The following ADAMTSL1 variants were observed in gnomAD, a reference collection of about 807,000 sequenced individuals.
ADAMTSL1 encodes the protein ADAMTS like 1, also known as ADAMTS-like protein 1.
In ADAMTSL1, 126 loss-of-function variants were observed where a neutral mutation model predicts 201.8. The ratio of observed to expected loss-of-function variants is 0.62; its 90% CI spans 0.54 to 0.72. The LOEUF (loss-of-function observed/expected upper bound fraction) is 0.72, where lower values mean the gene tolerates loss of function less well. ADAMTSL1 is among the 30% of genes least tolerant of loss of function. The pLI is 0.00. For missense variants in ADAMTSL1, 2,679 were observed against 2,277.8 expected (o/e 1.18, Z -3.59); for synonymous variants, 1,121 against 903.4 (o/e 1.24, Z -4.32).
At chr9:18,089,549 G>T (rs1056293054) in intron 1 of ADAMTSL1, among the ~76,000 whole-genome samples, 4 of 152,076 alleles carry the variant, frequency 2.6e-5, no homozygotes, top group African/African-American at 9.7e-5. Flanking sequence ...AACCACCATG[G>T]CATGTGTATA....
intron 4 of ADAMTSL1, among the ~76,000 whole-genome samples, chr9:18,602,350 T>G (rs1220548476): frequency 3.3e-5 from 5 of 152,216 alleles, no homozygotes; most frequent in Non-Finnish European, 7.3e-5. Flanking sequence ...CCTCTCTTCT[T>G]TAGCCAAAAG....
chr9:18,809,583 A>G (rs1268162953), intron 20 of ADAMTSL1, among the ~76,000 whole-genome samples: 1 of 152,192 alleles, frequency 6.6e-6, no homozygotes, highest in Admixed American at 6.5e-5. Context: ...TGAGGTCAGG[A>G]GTTCGAGACC....
intron 26 of ADAMTSL1, among the ~76,000 whole-genome samples, chr9:18,897,827 A>C (rs1167653781): frequency 4.6e-5 from 7 of 152,166 alleles, no homozygotes; most frequent in Non-Finnish European, 1.0e-4. Flanking sequence ...TTCTCCTGCA[A>C]GGGCACAGAA....
At chr9:18,430,746 A>G (rs1819451691) in intron 2 of ADAMTSL1, among the ~76,000 whole-genome samples, 1 of 152,192 alleles carries the variant, frequency 6.6e-6, no homozygotes, top group South Asian at 2.1e-4. Flanking sequence ...CTTGAGCTAG[A>G]ACGAAAATTG....
intron 2 of ADAMTSL1, among the ~76,000 whole-genome samples, chr9:18,171,333 C>A (rs1417148063): frequency 6.6e-6 from 1 of 151,888 alleles, no homozygotes; most frequent in Non-Finnish European, 1.5e-5. Flanking sequence ...AAAAGCATGA[C>A]CTTAAAACTT....
intron 1 of ADAMTSL1, among the ~76,000 whole-genome samples, chr9:17,936,839 A>G (rs1434336729): frequency 3.9e-5 from 6 of 152,146 alleles, no homozygotes; most frequent in African/African-American, 1.4e-4. Flanking sequence ...TTGAAGAGTG[A>G]GAAGCTGCCA....
chr9:18,308,195 TG>T (rs1350638232), intron 2 of ADAMTSL1, among the ~76,000 whole-genome samples: 5 of 152,106 alleles, frequency 3.3e-5, no homozygotes, highest in African/African-American at 1.2e-4. Context: ...GCTAAAGCAG[TG>T]TTTAGAGGGA....
At chr9:18,566,329 A>G (rs1303693334) in intron 3 of ADAMTSL1, among the ~76,000 whole-genome samples, 1 of 152,226 alleles carries the variant, frequency 6.6e-6, no homozygotes, top group Non-Finnish European at 1.5e-5. Context: ...TGTAACAGAA[A>G]GCCAAATGGG....
At chr9:18,703,592 A>G (rs542264217) in intron 13 of ADAMTSL1, among the ~76,000 whole-genome samples, 1 of 151,502 alleles carries the variant, frequency 6.6e-6, no homozygotes, top group Admixed American at 6.6e-5. Flanking sequence ...AGGCTGTTTT[A>G]CATTTGATAA....
At chr9:18,862,090 C>A (rs1304208519) in intron 23 of ADAMTSL1, among the ~76,000 whole-genome samples, 1 of 152,176 alleles carries the variant, frequency 6.6e-6, no homozygotes, top group Non-Finnish European at 1.5e-5. Context: ...TGCAGCTGAA[C>A]CCTGTGCTGT....
intron 6 of ADAMTSL1, among the ~76,000 whole-genome samples, chr9:18,637,296 G>C (rs1361696557): frequency 3.3e-5 from 5 of 152,062 alleles, no homozygotes; most frequent in African/African-American, 9.7e-5. Flanking sequence ...CCCCATTTGA[G>C]AACTGGAGAG....
At chr9:18,524,885 T>C (rs1818935968) in intron 2 of ADAMTSL1, among the ~76,000 whole-genome samples, 1 of 152,190 alleles carries the variant, frequency 6.6e-6, no homozygotes, top group Admixed American at 6.5e-5. Context: ...TCATCAGGGA[T>C]ATTGGTCTAA....
chr9:18,888,122 A>G lies in ADAMTSL1; in HGVS notation c.4462+79A>G, dbSNP rs62550761. 2.8e-3 allele frequency: 3,973 copies of G among 1,439,344 alleles called. 30 individuals carry two copies. The highest frequency in any genetic ancestry group is 0.021 in the African/African-American group (1,506 of 71,004). 89.2% of individuals were successfully genotyped at this position (1,439,344 alleles called of 1,614,324 possible). On this transcript the variant is annotated intron_variant, in intron 24 of 28. Coordinates refer to ENST00000380548, the MANE Select transcript of ADAMTSL1 (RefSeq NM_001040272.6). ...GGAATCTAACTATCTAGCAGAACAA[A>G]GAGATTTCTGATCTCCAGTGGTACT...
chr9:17,989,443 A>G (rs74641458), intron 1 of ADAMTSL1, among the ~76,000 whole-genome samples: 2,842 of 152,058 alleles, frequency 0.019, 106 homozygotes, highest in African/African-American at 0.065. Flanking sequence ...TAACATTTAG[A>G]GTGTTTTAAA....
At chr9:17,979,326 C>A (rs1282077441) in intron 1 of ADAMTSL1, among the ~76,000 whole-genome samples, 1 of 151,906 alleles carries the variant, frequency 6.6e-6, no homozygotes, top group Non-Finnish European at 1.5e-5. Context: ...TTTGATGGTA[C>A]CTTATAAATT....
At chr9:18,015,790 G>A (rs766590768) in intron 1 of ADAMTSL1, among the ~76,000 whole-genome samples, 2 of 151,916 alleles carry the variant, frequency 1.3e-5, no homozygotes, top group Non-Finnish European at 2.9e-5. Flanking sequence ...AATATGCCTG[G>A]ATCCCTCCCG....
At chr9:18,692,007 A>G (rs1336349745) in intron 13 of ADAMTSL1, among the ~76,000 whole-genome samples, 2 of 152,184 alleles carry the variant, frequency 1.3e-5, no homozygotes, top group Non-Finnish European at 2.9e-5. Flanking sequence ...TGCCTCATAC[A>G]TCTTGTATCT....
At chr9:18,675,781 T>A in intron 9 of ADAMTSL1, 76 bp from the exon 10 acceptor site, 1 of 1,305,410 alleles carries the variant, frequency 7.7e-7, no homozygotes, top group Non-Finnish European at 1.1e-6. Context: ...TAAAAATTTG[T>A]ATAATGTAAT....
At chr9:18,102,083 T>C (rs1391506268) in intron 1 of ADAMTSL1, among the ~76,000 whole-genome samples, 3 of 152,334 alleles carry the variant, frequency 2.0e-5, no homozygotes, top group Admixed American at 1.3e-4. Context: ...TACTTAATAA[T>C]ATTTTCAAAA....
Sources: allele counts gnomAD v4.1 joint callset (sites outside exome capture counted in the v4.1 genomes callset), GRCh38; gene constraint gnomAD v4.1.1; transcripts MANE v1.5; gene names NCBI Gene and HGNC (gene_info 2026-07-23, HGNC 2026-07-21).